Variants in ERN1 observed in about 807,000 individuals in gnomAD.
ERN1 encodes endoplasmic reticulum to nucleus signaling 1.
Under a neutral mutation model 113.1 loss-of-function variants are expected in ERN1, and 39 were observed. The observed-to-expected ratio is 0.34, with a 90% CI of 0.27 to 0.45. ERN1 has a LOEUF of 0.45. ERN1 is among the 20% of genes least tolerant of loss of function. The pLI, the probability that ERN1 is intolerant of heterozygous loss-of-function variation, is 1.00. For missense variants in ERN1, 976 were observed against 1,274.8 expected (o/e 0.77, Z 3.57); for synonymous variants, 507 against 515.9 (o/e 0.98, Z 0.23).
intron 1 of ERN1, among the ~76,000 whole-genome samples, chr17:64,120,093 C>A (rs1212081802): frequency 1.3e-5 from 2 of 151,868 alleles, no homozygotes; most frequent in Non-Finnish European, 2.9e-5. Context: ...AAGATGCCGG[C>A]CCCCACTCCC....
At chr17:64,073,265 T>C (rs1163482061) in intron 5 of ERN1, among the ~76,000 whole-genome samples, 2 of 150,236 alleles carry the variant, frequency 1.3e-5, no homozygotes, top group African/African-American at 2.4e-5. Flanking sequence ...ACCTCCCAGG[T>C]TCAAGCGATT....
intron 10 of ERN1, among the ~76,000 whole-genome samples, chr17:64,061,438 T>C (rs1179546379): frequency 2.6e-5 from 4 of 152,232 alleles, no homozygotes; most frequent in Non-Finnish European, 5.9e-5. Context: ...GATCTTTCCA[T>C]TGTTCCCCTA....
In ERN1 at chr17:64,130,079, CG is replaced by C. The variant is rs1206203060; in HGVS notation, c.-51del. Reference sequence around the variant, plus strand: ...GGGGCGGTACGGACAGAGGACGGGGCGGGGGCGCCGCGACGACAGCGAGGCG... The same window carrying C: ...GGGGCGGTACGGACAGAGGACGGGGCGGGGCGCCGCGACGACAGCGAGGCG... On this transcript the variant is annotated 5_prime_UTR_variant, in exon 1 of 22. Transcript: ENST00000433197. This position sits in a 1 kb window ranked among gnomAD's most constrained non-coding sequence, Gnocchi z 4.0. 3 of 1,327,284 alleles carry C rather than the reference CG, an allele frequency of 2.3e-6. No individual in the cohort carries two copies. The highest frequency in any genetic ancestry group is 3.1e-5 in the East Asian group (1 of 32,232). 82.2% of individuals were successfully genotyped at this position (1,327,284 alleles called of 1,614,324 possible). A position where few individuals can be genotyped will look rare whatever the true frequency, so the allele number is the denominator to read the frequency against.
chr17:64,094,663 C>T (rs1365179330), intron 2 of ERN1, among the ~76,000 whole-genome samples: 1 of 151,154 alleles, frequency 6.6e-6, no homozygotes, highest in African/African-American at 2.4e-5. Context: ...CCACCTTTGA[C>T]CCGCTATGCC....
chr17:64,041,295 C>A lies in ERN1; in HGVS notation c.*2693G>T, dbSNP rs1172257168. Reference sequence around the variant, plus strand: ...TCCTTTGGATTCCTAACAGATGTGACCAAGCTCCATCTTGAAGATAGCGTA... The same window carrying A: ...TCCTTTGGATTCCTAACAGATGTGAACAAGCTCCATCTTGAAGATAGCGTA... On this transcript the variant is annotated 3_prime_UTR_variant, in exon 22 of 22. Coordinates refer to ENST00000433197, the MANE Select transcript of ERN1 (RefSeq NM_001433.5). 3.9e-5 allele frequency: 6 copies of A among 152,232 alleles called. No homozygotes were observed. The highest frequency in any genetic ancestry group is 1.4e-4 in the African/African-American group (6 of 41,456). The allele number at this position is 152,232 out of a possible 1,614,324, so 9.4% of individuals were successfully genotyped here.
At chr17:64,121,687 C>T (rs1038174012) in intron 1 of ERN1, among the ~76,000 whole-genome samples, 6 of 152,182 alleles carry the variant, frequency 3.9e-5, no homozygotes, top group Admixed American at 2.0e-4. Flanking sequence ...TGGGGTTTCA[C>T]CATGTTGGCC....
chr17:64,117,070 C>T (rs754083452), intron 1 of ERN1, among the ~76,000 whole-genome samples: 1 of 151,530 alleles, frequency 6.6e-6, no homozygotes, highest in Non-Finnish European at 1.5e-5. Context: ...AGAGATCATG[C>T]CACTGCCCTC....
At chr17:64,122,524 C>T (rs1183014058) in intron 1 of ERN1, among the ~76,000 whole-genome samples, 1 of 152,174 alleles carries the variant, frequency 6.6e-6, no homozygotes, top group African/African-American at 2.4e-5. Flanking sequence ...CAAAATATTT[C>T]TGGAATTCTT....
rs771810301 is a variant in ERN1 at position 64,043,853 on chromosome 17, G to T, written c.*135C>A. 1 of 640,192 alleles carries T rather than the reference G, an allele frequency of 1.6e-6. No homozygotes were observed. Among genetic ancestry groups the T allele is most frequent in the Non-Finnish European group, 2.7e-6 (1 of 366,320 alleles). The allele number at this position is 640,192 out of a possible 1,614,324, so 39.7% of individuals were successfully genotyped here. ...GGGTCAGCACTGTCCTCTGTGGGCT[G>T]CAGAGCAGGCAGCTCAAGGCACTTG... On this transcript the variant is annotated 3_prime_UTR_variant, in exon 22 of 22. Transcript: ENST00000433197.
chr17:64,090,381 T>C (rs1914054667), intron 2 of ERN1, among the ~76,000 whole-genome samples: 1 of 152,194 alleles, frequency 6.6e-6, no homozygotes, highest in Non-Finnish European at 1.5e-5. Context: ...CTCATTTATC[T>C]CTACTTTGGC....
Position 64,053,360 on chromosome 17 carries a change from C to G in ERN1, c.1965G>C (p.Gln655His). Residue 655 changes from glutamine to histidine, a missense_variant, in exon 16 of 22, where the codon CAG becomes CAC. This residue lies in a region of ERN1 where 297 missense variants were observed against 457.8 expected (regional missense o/e 0.65). Coordinates refer to ENST00000433197, the MANE Select transcript of ERN1 (RefSeq NM_001433.5). Reference protein sequence around the residue: ...CAATLQEYVEQKDFAHLGLEP... With the variant: ...CAATLQEYVEHKDFAHLGLEP... ...CCAGGCCGAGATGCGCAAAGTCCTT[C>G]TGCTCCACATACTGCAAAAGACATG... The G allele has an allele frequency of 6.2e-7, 1 of 1,609,068 alleles. No individual in the cohort carries two copies. Among genetic ancestry groups the G allele is most frequent in the Non-Finnish European group, 8.5e-7 (1 of 1,177,588 alleles).
chr17:64,116,253 T>G (rs913312731), intron 1 of ERN1, among the ~76,000 whole-genome samples: 1 of 152,150 alleles, frequency 6.6e-6, no homozygotes, highest in Non-Finnish European at 1.5e-5. Context: ...ACAAATCAGA[T>G]AAGTGATTGA....
intron 19 of ERN1, among the ~76,000 whole-genome samples, chr17:64,047,111 C>A (rs1912536197): frequency 1.3e-5 from 2 of 152,210 alleles, no homozygotes; most frequent in African/African-American, 4.8e-5. Flanking sequence ...GTAATCCCAG[C>A]ACTTTGGGAG....
intron 5 of ERN1, among the ~76,000 whole-genome samples, chr17:64,073,311 G>C (rs1318504973): frequency 7.3e-6 from 1 of 136,996 alleles, no homozygotes; most frequent in Non-Finnish European, 1.6e-5. Context: ...TGGGACTACA[G>C]GTGCGTGCCA....
chr17:64,112,986 G>C (rs1567885731), intron 1 of ERN1, among the ~76,000 whole-genome samples: 1 of 152,184 alleles, frequency 6.6e-6, no homozygotes, highest in South Asian at 2.1e-4. Flanking sequence ...AGAAACCTCT[G>C]GGAATGGATA....
At chr17:64,086,382 T>C (rs1913924694) in intron 2 of ERN1, among the ~76,000 whole-genome samples, 1 of 152,242 alleles carries the variant, frequency 6.6e-6, no homozygotes, top group Non-Finnish European at 1.5e-5. Flanking sequence ...GATACTCATT[T>C]GTGCCTGGCC....
chr17:64,075,628 C>T (rs1913568542), intron 4 of ERN1, among the ~76,000 whole-genome samples: 1 of 152,208 alleles, frequency 6.6e-6, no homozygotes, highest in Non-Finnish European at 1.5e-5. Flanking sequence ...GACAAGCTCC[C>T]AGGTCCCTGA....
At position 64,072,049 on chromosome 17, in the gene ERN1, T is replaced by G; in HGVS notation, c.410A>C (p.Gln137Pro). Residue 137 changes from glutamine to proline, a missense_variant, in exon 6 of 22, where the codon CAG (glutamine) becomes CCG (proline). Physicochemically the swap from Gln to Pro is moderately conservative, Grantham distance 76. Coordinates refer to ENST00000433197, the MANE Select transcript of ERN1 (RefSeq NM_001433.5). The stretch of plus-strand genomic sequence containing the variant: ...ATCTGCAAAGGCCGATGACAAAGTC[T>G]GCTGCTTCTCTCCGGTCAGGAGGTC... ...VIDLLTGEKQ[Q>P]TLSSAFADSL... The G allele has an allele frequency of 6.2e-7, 1 of 1,609,932 alleles. No homozygotes were observed. Among genetic ancestry groups the G allele is most frequent in the Non-Finnish European group, 8.5e-7 (1 of 1,178,026 alleles).
intron 1 of ERN1, among the ~76,000 whole-genome samples, chr17:64,099,764 G>A (rs1863213944): frequency 1.3e-5 from 2 of 152,182 alleles, no homozygotes; most frequent in Admixed American, 1.3e-4. Flanking sequence ...GAGGTGGCAG[G>A]ACAAATACTC....
Sources: gnomAD v4.1 joint callset for allele counts (sites outside exome capture counted in the v4.1 genomes callset) on GRCh38, gnomAD v4.1.1 for gene constraint, gnomAD v4.1.1 regional missense constraint, Gnocchi (gnomAD v3.1) non-coding constraint, MANE v1.5 for transcripts, NCBI Gene and HGNC (gene_info 2026-07-23, HGNC 2026-07-21) for gene names.